Variants in RABGAP1L observed in about 807,000 individuals in gnomAD.
The protein encoded by RABGAP1L is rab GTPase-activating protein 1-like.
Under a neutral mutation model 137.7 loss-of-function variants are expected in RABGAP1L, and 63 were observed. That is an observed-to-expected ratio of 0.46 (90% CI 0.37 to 0.56). RABGAP1L has a LOEUF of 0.56. RABGAP1L is among the 20% of genes least tolerant of loss of function. The probability of loss-of-function intolerance (pLI) is 0.00; values close to 1 mark genes in which losing one functional copy is unlikely to be tolerated. For synonymous variants in RABGAP1L, 431 were observed against 433.7 expected (o/e 0.99, Z 0.08); for missense variants, 1,095 against 1,244.0 (o/e 0.88, Z 1.80).
chr1:174,896,798 T>C (rs1203723802), intron 19 of RABGAP1L, among the ~76,000 whole-genome samples: 2 of 152,192 alleles, frequency 1.3e-5, no homozygotes, highest in Non-Finnish European at 2.9e-5. Flanking sequence ...CATTGGTCTA[T>C]ATCTCTGTTT....
intron 12 of RABGAP1L, among the ~76,000 whole-genome samples, chr1:174,378,703 T>G (rs1685816069): frequency 6.6e-6 from 1 of 151,708 alleles, no homozygotes; most frequent in Non-Finnish European, 1.5e-5. Context: ...GTCAGATGAG[T>G]AGGTTGCGAA....
chr1:174,925,208 A>G (rs1477963447), intron 19 of RABGAP1L, among the ~76,000 whole-genome samples: 3 of 151,872 alleles, frequency 2.0e-5, no homozygotes, highest in African/African-American at 7.2e-5. Context: ...TACTAAAAAT[A>G]CAAAAAATTA....
At chr1:174,440,549 G>A (rs1654009134) in intron 13 of RABGAP1L, among the ~76,000 whole-genome samples, 1 of 152,026 alleles carries the variant, frequency 6.6e-6, no homozygotes, top group South Asian at 2.1e-4. Context: ...AGGACAACAG[G>A]TTTACTTTAG....
intron 13 of RABGAP1L, among the ~76,000 whole-genome samples, chr1:174,635,819 G>T (rs1351732545): frequency 6.6e-6 from 1 of 152,130 alleles, no homozygotes; most frequent in Non-Finnish European, 1.5e-5. Flanking sequence ...TGAAATGAAG[G>T]CAGCAAGAAA....
At chr1:174,259,919 C>T (rs1053897974) in intron 7 of RABGAP1L, among the ~76,000 whole-genome samples, 1 of 151,644 alleles carries the variant, frequency 6.6e-6, no homozygotes, top group African/African-American at 2.4e-5. Flanking sequence ...ACTGCAACCT[C>T]TGCCTCCCGG....
intron 1 of RABGAP1L, among the ~76,000 whole-genome samples, chr1:174,174,549 A>G (rs1665681880): frequency 6.6e-6 from 1 of 152,210 alleles, no homozygotes; most frequent in South Asian, 2.1e-4. Flanking sequence ...GCTCATTTCA[A>G]GTCCAAAGGC....
At chr1:174,735,715 A>G (rs1428391605) in intron 17 of RABGAP1L, among the ~76,000 whole-genome samples, 1 of 151,862 alleles carries the variant, frequency 6.6e-6, no homozygotes, top group Non-Finnish European at 1.5e-5. Flanking sequence ...CTGTACAAGC[A>G]TGACTCCAGC....
chr1:174,893,767 A>G (rs1267381664), intron 19 of RABGAP1L, among the ~76,000 whole-genome samples: 1 of 152,062 alleles, frequency 6.6e-6, no homozygotes, highest in Non-Finnish European at 1.5e-5. Context: ...AACTTTTCAT[A>G]CTCAAAAGCT....
intron 15 of RABGAP1L, among the ~76,000 whole-genome samples, chr1:174,685,551 C>CTTTATTTATTTATTTA (rs58721848): frequency 0.034 from 4,902 of 145,002 alleles, 138 homozygotes; most frequent in African/African-American, 0.062. Flanking sequence ...CCGCGCCGGC[C>CTTTATTTATTTATTTA]TTTATTTATT....
intron 13 of RABGAP1L, among the ~76,000 whole-genome samples, chr1:174,611,488 A>C (rs1489692072): frequency 5.4e-5 from 8 of 149,506 alleles, no homozygotes; most frequent in African/African-American, 2.0e-4. Flanking sequence ...GTCAGGTAGC[A>C]TGATGCCTCC....
At chr1:174,505,198 T>A (rs559259013) in intron 13 of RABGAP1L, among the ~76,000 whole-genome samples, 151 of 152,312 alleles carry the variant, frequency 9.9e-4, no homozygotes, top group African/African-American at 3.4e-3. Context: ...AGCAGAATTC[T>A]CCTTTGACTC....
At chr1:174,671,960 G>T (rs1036182883) in intron 14 of RABGAP1L, among the ~76,000 whole-genome samples, 3 of 151,992 alleles carry the variant, frequency 2.0e-5, no homozygotes, top group African/African-American at 7.2e-5. Flanking sequence ...GCTTTTTGTT[G>T]ATAGGAGACT....
intron 19 of RABGAP1L, among the ~76,000 whole-genome samples, chr1:174,868,107 A>G (rs969546735): frequency 2.0e-5 from 3 of 151,568 alleles, no homozygotes; most frequent in Admixed American, 2.0e-4. Context: ...GGCACCCACC[A>G]CCATGACCAG....
intron 13 of RABGAP1L, among the ~76,000 whole-genome samples, chr1:174,540,658 T>A (rs1166976167): frequency 1.3e-5 from 2 of 152,024 alleles, no homozygotes; most frequent in African/African-American, 4.8e-5. Context: ...TCTATATCTC[T>A]GTTTTGGTAC....
At chr1:174,246,686 A>G (rs553039278) in intron 5 of RABGAP1L, among the ~76,000 whole-genome samples, 1 of 152,328 alleles carries the variant, frequency 6.6e-6, no homozygotes, top group African/African-American at 2.4e-5. Context: ...TATATGGAAT[A>G]TTACACAGTT....
chr1:174,813,422 G>A (rs1215130494), intron 19 of RABGAP1L, among the ~76,000 whole-genome samples: 2 of 152,152 alleles, frequency 1.3e-5, no homozygotes, highest in Admixed American at 1.3e-4. Flanking sequence ...AACTTATTAA[G>A]CATATTACTT....
At chr1:174,949,995 C>A (rs1278624027) in intron 19 of RABGAP1L, among the ~76,000 whole-genome samples, 1 of 152,148 alleles carries the variant, frequency 6.6e-6, no homozygotes, top group African/African-American at 2.4e-5. Context: ...AAGCCACAAA[C>A]ATTGGAAAGT....
At chr1:174,618,077 C>T (rs1342293282) in intron 13 of RABGAP1L, among the ~76,000 whole-genome samples, 1 of 152,196 alleles carries the variant, frequency 6.6e-6, no homozygotes, top group African/African-American at 2.4e-5. Flanking sequence ...AACTGCAAGG[C>T]AGCAGCGAGG....
chr1:174,231,086 T>G, intron 3 of RABGAP1L, 59 bp from the exon 4 acceptor site: 1 of 1,314,796 alleles, frequency 7.6e-7, no homozygotes, highest in Non-Finnish European at 1.1e-6. Context: ...ATTGGCAAGA[T>G]TATAATGATG....
Sources: gnomAD v4.1 joint callset for allele counts (sites outside exome capture counted in the v4.1 genomes callset) on GRCh38, gnomAD v4.1.1 for gene constraint, MANE v1.5 for transcripts, NCBI Gene and HGNC (gene_info 2026-07-23, HGNC 2026-07-21) for gene names.